ATP2B3: variants seen among roughly 807,000 people sequenced by gnomAD.
ATP2B3 encodes ATPase plasma membrane Ca2+ transporting 3, also known as plasma membrane calcium-transporting ATPase 3.
ATP2B3 carries 12 observed loss-of-function variants against 70.8 expected under a neutral mutation model. That is an observed-to-expected ratio of 0.17 (90% confidence interval 0.11 to 0.27). The LOEUF (loss-of-function observed/expected upper bound fraction) is 0.27, where lower values mean the gene tolerates loss of function less well. Among genes scored for constraint, ATP2B3 ranks in the 10% least tolerant of loss-of-function variants. ATP2B3 has a pLI of 1.00. For missense variants in ATP2B3, 858 were observed against 1,118.5 expected (o/e 0.77, Z 3.32); for synonymous variants, 460 against 497.8 (o/e 0.92, Z 1.01).
At chrX:153,557,991 G>T (rs2090567283) in intron 16 of ATP2B3, 121 bp from the exon 17 acceptor site, 2 of 640,511 alleles carry the variant, frequency 3.1e-6, no homozygotes, top group Admixed American at 8.4e-5. Flanking sequence ...TGGGGGGCGG[G>T]GTGGGATGTT....
At position 153,580,160 on chromosome X, in the gene ATP2B3, G is replaced by GGCCCCGGCC; in HGVS notation, c.3525_3526insGCCCCGGCC (p.Pro1175_Pro1176insAlaProAla). ...ACGAGGAGCGCCTCCGGGCCCCCCC[G>GGCCCCGGCC]CCCCCGTCCCCCAACCAGAACAACA... On this transcript the variant is annotated inframe_insertion, in exon 22 of 22. Coordinates refer to ENST00000263519, the MANE Select transcript of ATP2B3 (RefSeq NM_001001344.3). 1 of 1,056,222 alleles carries GGCCCCGGCC rather than the reference G, an allele frequency of 9.5e-7. No homozygotes were observed. The highest frequency in any genetic ancestry group is 1.2e-6 in the Non-Finnish European group (1 of 812,024). 87.0% of individuals were successfully genotyped at this position (1,056,222 alleles called of 1,213,427 possible). A position where few individuals can be genotyped will look rare whatever the true frequency, so the allele number is the denominator to read the frequency against.
At chrX:153,520,836 G>A (rs933763484) in intron 2 of ATP2B3, among the ~76,000 whole-genome samples, 11 of 112,451 alleles carry the variant, frequency 9.8e-5, no homozygotes, top group South Asian at 3.7e-4. Context: ...TCACTGTCTC[G>A]GGTACTCCCA....
Position 153,549,860 on chromosome X carries a change from C to A in ATP2B3, c.1581+121C>A, listed in dbSNP as rs782364679. The A allele has an allele frequency of 4.9e-4, 521 of 1,057,505 alleles. 3 individuals carry two copies. The African/African-American group carries it at 8.9e-3, about 18-fold the overall frequency. The allele number at this position is 1,057,505 out of a possible 1,213,427, so 87.2% of individuals were successfully genotyped here. Reference sequence around the variant, plus strand: ...AGGCCCCCCCTTGAGAACTTTTGCCCATCCCTGGCCTCACAGGTGGCTCTG... The same window carrying A: ...AGGCCCCCCCTTGAGAACTTTTGCCAATCCCTGGCCTCACAGGTGGCTCTG... On this transcript the variant is annotated intron_variant, in intron 11 of 21. Coordinates refer to ENST00000263519, the MANE Select transcript of ATP2B3 (RefSeq NM_001001344.3).
intron 13 of ATP2B3, among the ~76,000 whole-genome samples, chrX:153,555,749 G>A (rs2090524686): frequency 1.8e-5 from 2 of 112,744 alleles, no homozygotes; most frequent in Non-Finnish European, 3.7e-5. Context: ...GTAACTTGGT[G>A]CAAAGGTGAT....
intron 2 of ATP2B3, among the ~76,000 whole-genome samples, chrX:153,534,434 T>G (rs1034727833): frequency 2.0e-5 from 2 of 102,388 alleles, no homozygotes; most frequent in Admixed American, 2.0e-4. Flanking sequence ...TCTCCTCAGC[T>G]TTCACTCCTT....
At chrX:153,565,246 G>A (rs2090688186) in intron 21 of ATP2B3, 143 bp downstream of exon 21, 1 of 799,583 alleles carries the variant, frequency 1.3e-6, no homozygotes, top group Non-Finnish European at 1.7e-6. Context: ...CACAAAAGCA[G>A]CTGCCAGTGT....
chrX:153,522,131 C>A (rs1461018877), intron 2 of ATP2B3, among the ~76,000 whole-genome samples: 1 of 112,663 alleles, frequency 8.9e-6, no homozygotes, highest in African/African-American at 3.2e-5. Context: ...TGGGCTTGAA[C>A]GGGTCGTTCC....
At chrX:153,571,516 C>T (rs995663586) in intron 21 of ATP2B3, among the ~76,000 whole-genome samples, 2 of 111,590 alleles carry the variant, frequency 1.8e-5, no homozygotes, top group Non-Finnish European at 3.8e-5. Flanking sequence ...TGTCCCTCTC[C>T]AGGTCCAGCC....
intron 21 of ATP2B3, among the ~76,000 whole-genome samples, chrX:153,577,046 C>T (rs1186508833): frequency 1.8e-5 from 2 of 112,692 alleles, no homozygotes; most frequent in Admixed American, 1.9e-4. Context: ...CCAAGCTTAG[C>T]ACCCCCAAAC....
intron 21 of ATP2B3, chrX:153,569,938 T>C (rs1375821891): frequency 2.0e-6 from 1 of 494,264 alleles, no homozygotes; most frequent in African/African-American, 2.4e-5. Context: ...CATATTCTTT[T>C]ATGAAACGTA....
At chrX:153,570,879 G>A (rs1366570099) in intron 21 of ATP2B3, among the ~76,000 whole-genome samples, 1 of 108,547 alleles carries the variant, frequency 9.2e-6, no homozygotes, top group Admixed American at 9.8e-5. Flanking sequence ...TTTAGGAACT[G>A]GTGAGAGGTC....
rs1175545470 is a variant in ATP2B3 at position 153,560,955 on chromosome X, CCCTCGTCCACCCCTAGTACTGG to C, written c.3051+73_3051+94del. On this transcript the variant is annotated intron_variant, in intron 19 of 21. Coordinates refer to ENST00000263519, the MANE Select transcript of ATP2B3 (RefSeq NM_001001344.3). ...AAGTGGAGGTGGTGGGCTTCAAGAC[CCCTCGTCCACCCCTAGTACTGG>C]CCTCCCCACCTCCACTCCCAGAAGG... The C allele has an allele frequency of 2.7e-4, 310 of 1,134,639 alleles. 1 individual carries two copies. The African/African-American group carries it at 5.0e-3, about 18-fold the overall frequency. 93.5% of individuals were successfully genotyped at this position (1,134,639 alleles called of 1,213,427 possible). A position where few individuals can be genotyped will look rare whatever the true frequency, so the allele number is the denominator to read the frequency against.
chrX:153,570,158 C>T (rs1472033820), intron 21 of ATP2B3, among the ~76,000 whole-genome samples: 2 of 112,673 alleles, frequency 1.8e-5, no homozygotes, highest in East Asian at 2.8e-4. Flanking sequence ...GGGCAGCACG[C>T]GGGCTCAGGG....
rs1178507203 is a variant in ATP2B3 at position 153,517,895 on chromosome X, C to G, written c.-247+20C>G. On this transcript the variant is annotated intron_variant, in intron 1 of 21. Transcript: ENST00000263519. ...GCCCGGGTAAGTGGTGCTCTGGGCG[C>G]GCGGGCGCCGCCGGGGTGGGCGCGG... The G allele has an allele frequency of 1.8e-5, 2 of 108,735 alleles. No individual in the cohort carries two copies. Among genetic ancestry groups the G allele is most frequent in the African/African-American group, 3.3e-5 (1 of 30,254 alleles). 9.0% of individuals were successfully genotyped at this position (108,735 alleles called of 1,213,427 possible).
intron 21 of ATP2B3, among the ~76,000 whole-genome samples, chrX:153,565,628 A>G (rs1297654708): frequency 1.8e-5 from 2 of 112,582 alleles, no homozygotes; most frequent in East Asian, 2.8e-4. Context: ...AGGGCCGGCC[A>G]AGACCAAGGG....
At chrX:153,547,005 G>T (rs1226947345) in intron 8 of ATP2B3, among the ~76,000 whole-genome samples, 1 of 112,352 alleles carries the variant, frequency 8.9e-6, no homozygotes, top group Non-Finnish European at 1.9e-5. Context: ...GGAGGAGCAG[G>T]AGGAGGCAGA....
At chrX:153,552,078 A>G (rs897856148) in intron 12 of ATP2B3, among the ~76,000 whole-genome samples, 1 of 111,730 alleles carries the variant, frequency 9.0e-6, no homozygotes, top group Non-Finnish European at 1.9e-5. Flanking sequence ...GGCCAGGACC[A>G]CCTCCTCCCT....
At chrX:153,554,264 G>A (rs1346400890) in intron 13 of ATP2B3, among the ~76,000 whole-genome samples, 1 of 113,165 alleles carries the variant, frequency 8.8e-6, no homozygotes, top group Non-Finnish European at 1.9e-5. Context: ...CCGCAAAGGC[G>A]GGCAGCGGCA....
chrX:153,560,831 G>C lies in ATP2B3; in HGVS notation c.2995G>C (p.Gly999Arg). The C allele has an allele frequency of 8.3e-7, 1 of 1,211,963 alleles. No individual in the cohort carries two copies. Among genetic ancestry groups the C allele is most frequent in the Non-Finnish European group, 1.1e-6 (1 of 895,569 alleles). ...CCACGGCGAGAGGAACGTGTTCGAC[G>C]GCATCTTCAGCAACCCCATCTTCTG... ...KIHGERNVFD[G>R]IFSNPIFCTI... The change falls in exon 19 of 22, where the codon GGC becomes CGC. Residue 999 changes from glycine to arginine, a missense_variant. Transcript: ENST00000263519.
Sources: allele counts gnomAD v4.1 joint callset (sites outside exome capture counted in the v4.1 genomes callset), GRCh38; gene constraint gnomAD v4.1.1; transcripts MANE v1.5; gene names NCBI Gene and HGNC (gene_info 2026-07-23, HGNC 2026-07-21).